The following TMEM117 variants were observed in gnomAD, a reference collection of about 807,000 sequenced individuals.
TMEM117 encodes transmembrane protein 117.
In TMEM117, 27 loss-of-function variants were observed where a neutral mutation model predicts 52.4. That is an observed-to-expected ratio of 0.51 (90% confidence interval 0.38 to 0.71). The LOEUF (loss-of-function observed/expected upper bound fraction) is 0.71, where lower values mean the gene tolerates loss of function less well. Ranked by LOEUF, TMEM117 falls within the 30% of genes least tolerant of loss-of-function variation. The probability of loss-of-function intolerance (pLI) is 0.00; values close to 1 mark genes in which losing one functional copy is unlikely to be tolerated. For missense variants in TMEM117, 556 were observed against 630.5 expected (o/e 0.88, Z 1.26); for synonymous variants, 215 against 206.3 (o/e 1.04, Z -0.36).
intron 4 of TMEM117, among the ~76,000 whole-genome samples, chr12:44,162,892 T>C (rs779819722): frequency 6.6e-6 from 1 of 152,186 alleles, no homozygotes; most frequent in Non-Finnish European, 1.5e-5. Flanking sequence ...TGATTTTTGC[T>C]CCCTAGGAAA....
At chr12:43,849,740 A>G (rs1943273864) in intron 2 of TMEM117, among the ~76,000 whole-genome samples, 1 of 152,088 alleles carries the variant, frequency 6.6e-6, no homozygotes, top group Non-Finnish European at 1.5e-5. Flanking sequence ...ATTATATGGA[A>G]TATTAGAGAA....
chr12:43,887,594 C>A (rs1944019478), intron 2 of TMEM117, among the ~76,000 whole-genome samples: 1 of 152,182 alleles, frequency 6.6e-6, no homozygotes. Context: ...GATCTCAGGA[C>A]AGGTGCCCCT....
rs561326461 is a variant in TMEM117, at chr12:44,041,104, T to A, written c.410+96762T>A. ...GCAAAAATACATAGTATTCTTTTTT[T>A]AAATTATACTGTAAGTTTTAGGGTA... On this transcript the variant is annotated intron_variant, in intron 3 of 7. Coordinates refer to ENST00000266534, the MANE Select transcript of TMEM117 (RefSeq NM_032256.3). Among the ~76,000 whole-genome samples the A allele has an allele frequency of 3.0e-3, 462 of 152,284 alleles. 3 individuals carry two copies. Among genetic ancestry groups the A allele is most frequent in the African/African-American group, 0.011 (448 of 41,562 alleles).
At chr12:43,898,341 G>T (rs1333111481) in intron 2 of TMEM117, among the ~76,000 whole-genome samples, 1 of 149,388 alleles carries the variant, frequency 6.7e-6, no homozygotes, top group Non-Finnish European at 1.5e-5. Context: ...TGGACTTTCA[G>T]GATATATTGT....
At chr12:43,806,059 C>A in the TMEM117 span, 3 of 1,518,680 alleles carry the variant, frequency 2.0e-6, no homozygotes, top group African/African-American at 1.4e-5. Flanking sequence ...CGGCAGCGCC[C>A]GGGAAGCAGG....
chr12:43,905,881 A>C (rs1478281095), intron 2 of TMEM117, among the ~76,000 whole-genome samples: 1 of 152,226 alleles, frequency 6.6e-6, no homozygotes, highest in Non-Finnish European at 1.5e-5. Context: ...TCACATGAAT[A>C]AATATAGTTT....
chr12:43,834,549 C>T (rs1368316624), upstream of TMEM117, among the ~76,000 whole-genome samples: 1 of 152,174 alleles, frequency 6.6e-6, no homozygotes, highest in Non-Finnish European at 1.5e-5. Context: ...CTTGTTAAAG[C>T]ATTACAAAAG....
chr12:44,106,832 T>G (rs1371594054), intron 3 of TMEM117, among the ~76,000 whole-genome samples: 1 of 152,006 alleles, frequency 6.6e-6, no homozygotes, highest in Non-Finnish European at 1.5e-5. Context: ...ACATTGAATA[T>G]TTCTTTCTTA....
At chr12:44,354,901 A>G (rs1239355207) in intron 6 of TMEM117, among the ~76,000 whole-genome samples, 9 of 152,094 alleles carry the variant, frequency 5.9e-5, no homozygotes, top group Admixed American at 5.2e-4. Context: ...TAGTCACAGG[A>G]AGAAATTTTA....
intron 4 of TMEM117, among the ~76,000 whole-genome samples, chr12:44,152,554 TA>T (rs1261166332): frequency 5.2e-4 from 63 of 120,826 alleles, no homozygotes; most frequent in African/African-American, 2.0e-3. Context: ...TTTTTATATA[TA>T]ATATTTATAT....
At chr12:44,136,120 A>G (rs1450250210) in intron 3 of TMEM117, among the ~76,000 whole-genome samples, 1 of 152,196 alleles carries the variant, frequency 6.6e-6, no homozygotes, top group African/African-American at 2.4e-5. Flanking sequence ...TTTATTTAAC[A>G]TTAAAATGTG....
intron 4 of TMEM117, among the ~76,000 whole-genome samples, chr12:44,156,418 AATTTCATAAGGCTATG>A (rs1948826677): frequency 6.6e-6 from 1 of 152,034 alleles, no homozygotes; most frequent in East Asian, 1.9e-4. Context: ...TTTTTACCTG[AATTTCATAAGGCTATG>A]ATTCCCAAAT....
rs540178550 is a variant in TMEM117 at position 44,374,292 on chromosome 12, A to T, written c.769-2303A>T. 1.3e-3 allele frequency among the ~76,000 whole-genome samples: 192 copies of T among 152,298 alleles called. 1 individual carries two copies. Among genetic ancestry groups the T allele is most frequent in the Admixed American group, 2.7e-3 (41 of 15,292 alleles). ...GAGGCAAGGCTTTAAGAGATTAAGT[A>T]AAAGAGGTTTGGAAAAACAAAATCT... On this transcript the variant is annotated intron_variant, in intron 6 of 7. Transcript: ENST00000266534.
In TMEM117 at chr12:44,198,242, G is replaced by A. The variant is rs115656582; in HGVS notation, c.511-13048G>A. Among the ~76,000 whole-genome samples, 1,259 of 152,224 alleles carry A rather than the reference G, an allele frequency of 8.3e-3. 23 individuals are homozygous for A. Among genetic ancestry groups the A allele is most frequent in the African/African-American group, 0.028 (1,176 of 41,534 alleles). Reference sequence around the variant, plus strand: ...GGTTAGAATAGGAAGGGCAGCAGAAGGGTGGTAAAACTACATACATACATC... The same window carrying A: ...GGTTAGAATAGGAAGGGCAGCAGAAAGGTGGTAAAACTACATACATACATC... On this transcript the variant is annotated intron_variant, in intron 4 of 7. Coordinates refer to ENST00000266534, the MANE Select transcript of TMEM117 (RefSeq NM_032256.3).
At chr12:43,822,876 TG>T in the TMEM117 span, among the ~76,000 whole-genome samples, 1 of 150,306 alleles carries the variant, frequency 6.7e-6, no homozygotes, top group African/African-American at 2.5e-5. Context: ...CACTACAGCC[TG>T]GGCAACAGAG....
chr12:43,837,622 G>T (rs1592295115), intron 1 of TMEM117, among the ~76,000 whole-genome samples: 3 of 152,324 alleles, frequency 2.0e-5, no homozygotes, highest in East Asian at 3.9e-4. Context: ...GGACATTACA[G>T]GTGTGAGCCA....
chr12:44,166,595 T>A (rs1301185770), intron 4 of TMEM117, among the ~76,000 whole-genome samples: 1 of 152,210 alleles, frequency 6.6e-6, no homozygotes, highest in Non-Finnish European at 1.5e-5. Context: ...AAGATTGCTC[T>A]GTTTCTAAGT....
chr12:44,113,590 G>T (rs1948075303), intron 3 of TMEM117, among the ~76,000 whole-genome samples: 1 of 29,566 alleles, frequency 3.4e-5, no homozygotes, highest in African/African-American at 3.6e-4. Flanking sequence ...TGCGTGCTGG[G>T]AGAACCACTG....
At chr12:44,114,899 A>G (rs915391254) in intron 3 of TMEM117, among the ~76,000 whole-genome samples, 1 of 152,264 alleles carries the variant, frequency 6.6e-6, no homozygotes, top group African/African-American at 2.4e-5. Context: ...GTGTTTTTAA[A>G]GAAAATCAGA....
Sources: gnomAD v4.1 joint callset for allele counts (sites outside exome capture counted in the v4.1 genomes callset) on GRCh38, gnomAD v4.1.1 for gene constraint, MANE v1.5 for transcripts, NCBI Gene and HGNC (gene_info 2026-07-23, HGNC 2026-07-21) for gene names.